SORCS2: variants seen among roughly 807,000 people sequenced by gnomAD.
The protein encoded by SORCS2 is VPS10 domain-containing receptor SorCS2.
A neutral mutation model predicts 141.6 loss-of-function variants in SORCS2; 100 were observed. The observed-to-expected ratio is 0.71, with a 90% CI of 0.60 to 0.83. The LOEUF is 0.83. Among genes scored for constraint, SORCS2 ranks in the 40% least tolerant of loss-of-function variants. The probability of loss-of-function intolerance (pLI) is 0.00; values close to 1 mark genes in which losing one functional copy is unlikely to be tolerated. For missense variants in SORCS2, 1,646 were observed against 1,560.2 expected, an observed-to-expected ratio of 1.05 and a Z score of -0.93; for synonymous variants, 789 against 676.9, an observed-to-expected ratio of 1.17 and a Z score of -2.57.
chr4:7,599,880 G>A (rs933487707), intron 3 of SORCS2, among the ~76,000 whole-genome samples: 17 of 150,818 alleles, frequency 1.1e-4, no homozygotes, highest in Non-Finnish European at 1.9e-4. Flanking sequence ...CTAGAGTGAA[G>A]TAGCATGATA....
rs564975362 is a variant in SORCS2, at chr4:7,535,367, G to A, written c.648+3738G>A. Among the ~76,000 whole-genome samples the A allele has an allele frequency of 2.4e-3, 360 of 152,302 alleles. 3 individuals are homozygous for A. The highest frequency in any genetic ancestry group is 8.1e-3 in the African/African-American group (337 of 41,564). ...CAGCGGATGTGGGGCACCGGGGAGC[G>A]GCAGGGGAATGGGATGAGAGGCTGA... On this transcript the variant is annotated intron_variant, in intron 3 of 26. Transcript: ENST00000507866.
At chr4:7,597,550 G>T (rs957072259) in intron 3 of SORCS2, among the ~76,000 whole-genome samples, 1 of 150,626 alleles carries the variant, frequency 6.6e-6, no homozygotes, top group Admixed American at 6.6e-5. Context: ...TTGCAATAGG[G>T]AAGGAGCTGT....
At chr4:7,304,115 G>C (rs553699714) in intron 1 of SORCS2, among the ~76,000 whole-genome samples, 1 of 152,250 alleles carries the variant, frequency 6.6e-6, no homozygotes, top group East Asian at 1.9e-4. Context: ...TATGTGCCAG[G>C]CATGTGTGGT....
chr4:7,438,060 G>A (rs1290257205), intron 2 of SORCS2, among the ~76,000 whole-genome samples: 1 of 152,198 alleles, frequency 6.6e-6, no homozygotes, highest in African/African-American at 2.4e-5. Context: ...GAACTGTAGT[G>A]TGGATACAAT....
intron 2 of SORCS2, among the ~76,000 whole-genome samples, chr4:7,523,349 G>A (rs551858239): frequency 6.6e-6 from 1 of 152,302 alleles, no homozygotes; most frequent in South Asian, 2.1e-4. Context: ...AGGGAAACCT[G>A]TTCACCTGAG....
At position 7,564,472 on chromosome 4, in the gene SORCS2, T is replaced by C. The variant is rs1262975848; in HGVS notation, c.648+32843T>C. ...GGATTGGGGCCCACTCCGATGACCT[T>C]GTTTACTCAGTTACTGCTATAAAGA... On this transcript the variant is annotated intron_variant, in intron 3 of 26. Coordinates refer to ENST00000507866, the MANE Select transcript of SORCS2 (RefSeq NM_020777.3). Among the ~76,000 whole-genome samples, 15 of 152,352 alleles carry C rather than the reference T, an allele frequency of 9.8e-5. No individual in the cohort carries two copies. The East Asian group carries it at 2.5e-3, about 25-fold the overall frequency.
At chr4:7,295,444 C>G (rs913920130) in intron 1 of SORCS2, among the ~76,000 whole-genome samples, 4 of 152,022 alleles carry the variant, frequency 2.6e-5, no homozygotes, top group Non-Finnish European at 4.4e-5. Context: ...TGGCTTGGTG[C>G]CCTGTTCCTC....
chr4:7,451,993 C>G (rs1728491368), intron 2 of SORCS2, among the ~76,000 whole-genome samples: 1 of 152,178 alleles, frequency 6.6e-6, no homozygotes, highest in Non-Finnish European at 1.5e-5. Flanking sequence ...CAGTGTGACC[C>G]AGGCCCTATT....
chr4:7,548,183 G>T (rs1046562813), intron 3 of SORCS2, among the ~76,000 whole-genome samples: 1 of 152,172 alleles, frequency 6.6e-6, no homozygotes, highest in African/African-American at 2.4e-5. Flanking sequence ...TACCAACCTT[G>T]CTTTTTCAAA....
At chr4:7,386,451 ATG>A (rs1723326691) in intron 1 of SORCS2, among the ~76,000 whole-genome samples, 5 of 91,502 alleles carry the variant, frequency 5.5e-5, no homozygotes, top group Admixed American at 9.6e-5. Flanking sequence ...AGAGATACAC[ATG>A]TGCACGCACA....
At chr4:7,731,748 T>C (rs1236017455) in intron 23 of SORCS2, among the ~76,000 whole-genome samples, 1 of 152,140 alleles carries the variant, frequency 6.6e-6, no homozygotes, top group African/African-American at 2.4e-5. Context: ...GTTGGGAAAC[T>C]GAATATCCAC....
chr4:7,680,349 C>A (rs891383207), intron 9 of SORCS2, among the ~76,000 whole-genome samples: 1 of 152,234 alleles, frequency 6.6e-6, no homozygotes, highest in Non-Finnish European at 1.5e-5. Context: ...CAGACCAAGG[C>A]CAGAGTCTGG....
At chr4:7,455,831 G>T (rs1269440353) in intron 2 of SORCS2, among the ~76,000 whole-genome samples, 2 of 152,194 alleles carry the variant, frequency 1.3e-5, no homozygotes. Flanking sequence ...TTGGGGTCAT[G>T]CTCTGTACTG....
chr4:7,686,365 G>A (rs1055693106), intron 10 of SORCS2, among the ~76,000 whole-genome samples: 15 of 152,200 alleles, frequency 9.9e-5, no homozygotes, highest in African/African-American at 3.1e-4. Flanking sequence ...TGCATCTCCC[G>A]GCCCTGGTCC....
chr4:7,237,049 C>T (rs6446584), intron 1 of SORCS2, among the ~76,000 whole-genome samples: 26,932 of 152,144 alleles, frequency 0.18, 3,013 homozygotes, highest in African/African-American at 0.32. Flanking sequence ...TCTGTGCCAG[C>T]GCACATGGTC....
intron 2 of SORCS2, among the ~76,000 whole-genome samples, chr4:7,529,237 T>G (rs968119310): frequency 2.6e-5 from 4 of 152,162 alleles, no homozygotes; most frequent in African/African-American, 9.7e-5. Flanking sequence ...CTAAGGGGAC[T>G]TTCTACCACT....
At chr4:7,618,889 G>C (rs1014236890) in intron 3 of SORCS2, among the ~76,000 whole-genome samples, 6 of 152,032 alleles carry the variant, frequency 3.9e-5, no homozygotes, top group African/African-American at 9.7e-5. Context: ...GGAAGTCTCG[G>C]GCGGGGGCAG....
At chr4:7,530,775 C>T (rs1388623457) in intron 2 of SORCS2, among the ~76,000 whole-genome samples, 1 of 152,230 alleles carries the variant, frequency 6.6e-6, no homozygotes, top group Non-Finnish European at 1.5e-5. Flanking sequence ...CCTCTTCTTG[C>T]TGGGCAGCCA....
At chr4:7,312,549 G>C (rs542644639) in intron 1 of SORCS2, among the ~76,000 whole-genome samples, 27 of 152,236 alleles carry the variant, frequency 1.8e-4, no homozygotes, top group African/African-American at 6.0e-4. Flanking sequence ...CTTCTTTCTG[G>C]GTCTCTCAGT....
Sources: gnomAD v4.1 joint callset for allele counts (sites outside exome capture counted in the v4.1 genomes callset) on GRCh38, gnomAD v4.1.1 for gene constraint, MANE v1.5 for transcripts, NCBI Gene and HGNC (gene_info 2026-07-23, HGNC 2026-07-21) for gene names.